The following RANBP2 variants were observed in gnomAD, a reference collection of about 807,000 sequenced individuals.
The protein encoded by RANBP2 is RAN binding protein 2, also known as E3 SUMO-protein ligase RanBP2.
RANBP2 carries 57 observed loss-of-function variants against 303.6 expected under a neutral mutation model. The observed-to-expected ratio is 0.19, with a 90% CI of 0.15 to 0.23. RANBP2 has a LOEUF of 0.23. Ranked by LOEUF, RANBP2 falls within the 10% of genes least tolerant of loss-of-function variation. The pLI, the probability that RANBP2 is intolerant of heterozygous loss-of-function variation, is 1.00. For missense variants in RANBP2, 3,138 were observed against 3,780.8 expected, an observed-to-expected ratio of 0.83 and a Z score of 4.46; for synonymous variants, 1,167 against 1,301.5, an observed-to-expected ratio of 0.90 and a Z score of 2.23.
chr2:108,739,059 T>G (rs563046067), intron 6 of RANBP2, among the ~76,000 whole-genome samples: 1 of 152,334 alleles, frequency 6.6e-6, no homozygotes, highest in East Asian at 1.9e-4. Flanking sequence ...AGATTCTCAT[T>G]TACTTCCTCT....
the RANBP2 span, among the ~76,000 whole-genome samples, chr2:109,338,055 G>T: frequency 6.6e-6 from 1 of 152,062 alleles, no homozygotes; most frequent in Non-Finnish European, 1.5e-5. Context: ...GATGGAGCTT[G>T]CCAGTCTGTG....
chr2:108,856,913 A>C, the RANBP2 span: 1 of 1,613,336 alleles, frequency 6.2e-7, no homozygotes, highest in Non-Finnish European at 8.5e-7. Context: ...AAGAATATCC[A>C]GTAAAGGACT....
chr2:108,949,559 A>C, the RANBP2 span, among the ~76,000 whole-genome samples: 1 of 152,184 alleles, frequency 6.6e-6, no homozygotes, highest in African/African-American at 2.4e-5. Flanking sequence ...CCAGTGCATG[A>C]CTTGCAATTA....
intron 23 of RANBP2, among the ~76,000 whole-genome samples, chr2:108,774,243 T>G (rs1677715903): frequency 6.6e-6 from 1 of 152,204 alleles, no homozygotes; most frequent in African/African-American, 2.4e-5. Context: ...TATAAATTTT[T>G]GGGTTTATAT....
chr2:109,295,945 C>A, the RANBP2 span, among the ~76,000 whole-genome samples: 1 of 152,170 alleles, frequency 6.6e-6, no homozygotes, highest in Non-Finnish European at 1.5e-5. Flanking sequence ...ACACTGCTCC[C>A]TCTGTGACTG....
At chr2:109,524,550 A>G in the RANBP2 span, among the ~76,000 whole-genome samples, 34 of 151,454 alleles carry the variant, frequency 2.2e-4, no homozygotes, top group African/African-American at 7.3e-4. Flanking sequence ...TGAGGCTAGG[A>G]GTTCGAGACC....
the RANBP2 span, among the ~76,000 whole-genome samples, chr2:109,400,539 GCACA>G: frequency 6.6e-6 from 1 of 150,658 alleles, no homozygotes; most frequent in Non-Finnish European, 1.5e-5. Flanking sequence ...AGATACACAT[GCACA>G]CACACGTACG....
At chr2:108,745,953 C>G (rs1441968371) in intron 7 of RANBP2, among the ~76,000 whole-genome samples, 1 of 149,526 alleles carries the variant, frequency 6.7e-6, no homozygotes, top group Non-Finnish European at 1.5e-5. Context: ...GTCGCCCAAG[C>G]TGGAGCACAG....
At chr2:109,577,100 C>T in the RANBP2 span, among the ~76,000 whole-genome samples, 2 of 151,944 alleles carry the variant, frequency 1.3e-5, no homozygotes, top group Admixed American at 1.3e-4. Flanking sequence ...AAGGAGAGGA[C>T]CCTTAAGGGA....
the RANBP2 span, among the ~76,000 whole-genome samples, chr2:109,406,819 A>G: frequency 6.6e-6 from 1 of 152,152 alleles, no homozygotes; most frequent in South Asian, 2.1e-4. Flanking sequence ...GGCTACATGG[A>G]AGCCTCTGCT....
chr2:109,606,509 G>A, the RANBP2 span, among the ~76,000 whole-genome samples: 4 of 152,094 alleles, frequency 2.6e-5, no homozygotes, highest in Non-Finnish European at 5.9e-5. Context: ...AATTACCATA[G>A]TGGACATAGT....
chr2:109,276,356 G>A, the RANBP2 span, among the ~76,000 whole-genome samples: 1 of 152,214 alleles, frequency 6.6e-6, no homozygotes, highest in Admixed American at 6.5e-5. Context: ...GCAAATATGT[G>A]TCCCGTAGTA....
At chr2:109,505,928 C>G in the RANBP2 span, among the ~76,000 whole-genome samples, 1 of 152,138 alleles carries the variant, frequency 6.6e-6, no homozygotes, top group Non-Finnish European at 1.5e-5. Flanking sequence ...GCAGGCCGTC[C>G]CAGCCAGCTT....
At chr2:109,363,863 T>TC in the RANBP2 span, among the ~76,000 whole-genome samples, 1 of 152,212 alleles carries the variant, frequency 6.6e-6, no homozygotes, top group Admixed American at 6.5e-5. Context: ...ATGTGTTTTT[T>TC]CCCCTCTGAC....
the RANBP2 span, among the ~76,000 whole-genome samples, chr2:109,627,291 G>T: frequency 6.6e-6 from 1 of 152,206 alleles, no homozygotes; most frequent in Non-Finnish European, 1.5e-5. Flanking sequence ...CTGCCTCCCG[G>T]GTTCAAGCGA....
the RANBP2 span, among the ~76,000 whole-genome samples, chr2:109,148,464 G>T: frequency 1.3e-5 from 2 of 152,150 alleles, no homozygotes; most frequent in African/African-American, 4.8e-5. Flanking sequence ...CTCAAACTGT[G>T]TACAAATTTC....
chr2:109,416,840 G>C, the RANBP2 span, among the ~76,000 whole-genome samples: 1 of 151,648 alleles, frequency 6.6e-6, no homozygotes, highest in Non-Finnish European at 1.5e-5. Context: ...CAGAAGCAGA[G>C]GTTGCAGTGA....
chr2:109,608,191 T>C, the RANBP2 span, among the ~76,000 whole-genome samples: 17 of 152,234 alleles, frequency 1.1e-4, no homozygotes. Flanking sequence ...GCAATGTTCC[T>C]GCCAAATAGT....
chr2:108,888,506 G>T, the RANBP2 span, among the ~76,000 whole-genome samples: 1 of 151,738 alleles, frequency 6.6e-6, no homozygotes, highest in Non-Finnish European at 1.5e-5. Context: ...GGCTTTTTTT[G>T]TTGGGTAATT....
Sources: allele counts gnomAD v4.1 joint callset (sites outside exome capture counted in the v4.1 genomes callset), GRCh38; gene constraint gnomAD v4.1.1; transcripts MANE v1.5; gene names NCBI Gene and HGNC (gene_info 2026-07-23, HGNC 2026-07-21).